FAM186A: variants seen among roughly 807,000 people sequenced by gnomAD.
FAM186A encodes family with sequence similarity 186 member A.
Under a neutral mutation model 216.8 loss-of-function variants are expected in FAM186A, and 163 were observed. The ratio of observed to expected loss-of-function variants is 0.75; its 90% CI spans 0.66 to 0.86. FAM186A has a LOEUF of 0.86. FAM186A is among the 40% of genes least tolerant of loss of function. The probability of loss-of-function intolerance (pLI) is 0.00; values close to 1 mark genes in which losing one functional copy is unlikely to be tolerated. For synonymous variants in FAM186A, 805 were observed against 1,025.3 expected, an observed-to-expected ratio of 0.79 and a Z score of 4.10; for missense variants, 2,184 against 2,746.2, an observed-to-expected ratio of 0.80 and a Z score of 4.58.
chr12:50,366,762 C>G (rs1943092920), intron 1 of FAM186A, among the ~76,000 whole-genome samples: 2 of 150,006 alleles, frequency 1.3e-5, no homozygotes, highest in African/African-American at 4.9e-5. Flanking sequence ...CCTGTAATCC[C>G]AGCACTTTGA....
At chr12:50,391,051 C>T (rs1433944534) in intron 1 of FAM186A, among the ~76,000 whole-genome samples, 1 of 151,614 alleles carries the variant, frequency 6.6e-6, no homozygotes, top group Non-Finnish European at 1.5e-5. Flanking sequence ...TGTAGTGGTG[C>T]GATTGTGGCT....
intron 5 of FAM186A, among the ~76,000 whole-genome samples, chr12:50,332,207 C>T (rs946833764): frequency 1.3e-5 from 2 of 151,652 alleles, no homozygotes; most frequent in Non-Finnish European, 2.9e-5. Flanking sequence ...TAATGATAGC[C>T]AGCATTTACT....
At chr12:50,370,142 A>AAAAAAAAAAAAAAC in intron 1 of FAM186A, among the ~76,000 whole-genome samples, 1 of 148,524 alleles carries the variant, frequency 6.7e-6, no homozygotes, top group African/African-American at 2.5e-5. Flanking sequence ...AAAAAAAAAA[A>AAAAAAAAAAAAAAC]AAAAAGCAAA....
intron 1 of FAM186A, among the ~76,000 whole-genome samples, chr12:50,394,732 C>CT (rs71083561): frequency 0.062 from 1,811 of 29,358 alleles, 481 homozygotes; most frequent in East Asian, 0.37. Context: ...GGCTAACACT[C>CT]TTTTTTTTTT....
At chr12:50,378,575 CACATATGTAAATTGTATATATATATAT>C (rs1565894812) in intron 1 of FAM186A, among the ~76,000 whole-genome samples, 1 of 11,020 alleles carries the variant, frequency 9.1e-5, no homozygotes, top group Non-Finnish European at 2.1e-3. Context: ...TATATATATA[CACATATGTAAATTGTATATATATATAT>C]ACACATATGT....
intron 1 of FAM186A, among the ~76,000 whole-genome samples, chr12:50,377,689 C>T (rs919595694): frequency 4.0e-5 from 6 of 151,136 alleles, no homozygotes; most frequent in African/African-American, 1.2e-4. Flanking sequence ...AAAAATTAGC[C>T]GGGCGTGGTG....
chr12:50,374,994 A>G (rs2136102860), intron 1 of FAM186A, among the ~76,000 whole-genome samples: 1 of 152,224 alleles, frequency 6.6e-6, no homozygotes, highest in East Asian at 1.9e-4. Context: ...ACTGGCCAAC[A>G]TGACGAAACT....
chr12:50,386,670 G>A (rs942628366), intron 1 of FAM186A, among the ~76,000 whole-genome samples: 1 of 151,872 alleles, frequency 6.6e-6, no homozygotes, highest in Non-Finnish European at 1.5e-5. Context: ...GACCAGCCTG[G>A]CCAACATGGT....
rs533282621 is a variant in FAM186A, at chr12:50,350,552, G to A, written c.6280C>T (p.Pro2094Ser). 10 of 1,551,472 alleles carry A rather than the reference G, an allele frequency of 6.4e-6. No individual in the cohort carries two copies. Among genetic ancestry groups the A allele is most frequent in the African/African-American group, 2.7e-5 (2 of 72,994 alleles). The change falls in exon 4 of 8, where the codon CCT becomes TCT. Residue 2094 changes from proline (P) to serine (S), a missense_variant. This residue lies in a region of FAM186A where 721 missense variants were observed against 816.4 expected (regional missense o/e 0.88). Transcript: ENST00000327337. ...DTKKPKVMVP[P>S]SSPQELEEKR... Reference sequence around the variant, plus strand: ...TCTTCAAGTTCTTGAGGAGAGGAAGGGGGCACCATTACTTTGGGTTTCTTG... The same window carrying A: ...TCTTCAAGTTCTTGAGGAGAGGAAGAGGGCACCATTACTTTGGGTTTCTTG...
chr12:50,372,743 A>T (rs571810502), intron 1 of FAM186A, among the ~76,000 whole-genome samples: 4 of 151,540 alleles, frequency 2.6e-5, no homozygotes, highest in African/African-American at 9.7e-5. Flanking sequence ...TCTACTAAAA[A>T]TACAAAAAAT....
intron 1 of FAM186A, among the ~76,000 whole-genome samples, chr12:50,369,387 A>T (rs1943120098): frequency 6.7e-6 from 1 of 150,000 alleles, no homozygotes; most frequent in African/African-American, 2.4e-5. Flanking sequence ...ACTACTCGGG[A>T]GGCTGAGGCA....
chr12:50,395,335 TG>T (rs1842503799), intron 1 of FAM186A, among the ~76,000 whole-genome samples: 3 of 152,130 alleles, frequency 2.0e-5, no homozygotes, highest in Admixed American at 2.0e-4. Flanking sequence ...GAGATCCTCC[TG>T]CCTTGGCCTC....
intron 4 of FAM186A, among the ~76,000 whole-genome samples, chr12:50,334,503 A>C (rs1037030461): frequency 1.3e-5 from 2 of 150,184 alleles, no homozygotes; most frequent in Admixed American, 6.7e-5. Context: ...TTTGAGACAG[A>C]GTCTCACTCT....
intron 3 of FAM186A, 89 bp downstream of exon 3, chr12:50,360,667 A>T: frequency 8.7e-7 from 1 of 1,152,242 alleles, no homozygotes; most frequent in Non-Finnish European, 1.2e-6. Flanking sequence ...CCTGGGTGAT[A>T]GAGCGAGACT....
At chr12:50,364,567 A>AAAT (rs1392847614) in intron 1 of FAM186A, among the ~76,000 whole-genome samples, 1 of 148,690 alleles carries the variant, frequency 6.7e-6, no homozygotes, top group African/African-American at 2.5e-5. Flanking sequence ...AAAAATAAAT[A>AAAT]AATAAATAAA....
At chr12:50,382,481 C>T (rs569457440) in intron 1 of FAM186A, among the ~76,000 whole-genome samples, 11 of 152,166 alleles carry the variant, frequency 7.2e-5, no homozygotes, top group Admixed American at 7.2e-4. Flanking sequence ...GAGCAGATCA[C>T]TTGAGGCCAG....
chr12:50,361,052 C>T, intron 2 of FAM186A, 126 bp from the exon 3 acceptor site: 1 of 615,324 alleles, frequency 1.6e-6, no homozygotes, highest in Non-Finnish European at 2.5e-6. Context: ...CTCACACTTA[C>T]TGCCATTCTG....
At chr12:50,366,414 C>A (rs569961953) in intron 1 of FAM186A, among the ~76,000 whole-genome samples, 6 of 152,002 alleles carry the variant, frequency 3.9e-5, no homozygotes, top group African/African-American at 7.2e-5. Context: ...TATATCGAAG[C>A]CAGACAAAGG....
At chr12:50,377,819 A>T (rs1943212392) in intron 1 of FAM186A, among the ~76,000 whole-genome samples, 1 of 132,408 alleles carries the variant, frequency 7.6e-6, no homozygotes. Context: ...CGGGCAAAAG[A>T]GCAAAACTCC....
Sources: allele counts gnomAD v4.1 joint callset (sites outside exome capture counted in the v4.1 genomes callset), GRCh38; gene constraint gnomAD v4.1.1; regional missense constraint gnomAD v4.1.1; transcripts MANE v1.5; gene names NCBI Gene and HGNC (gene_info 2026-07-23, HGNC 2026-07-21).